Variants in TENM4 observed in about 807,000 individuals in gnomAD.
TENM4 encodes teneurin transmembrane protein 4, also known as teneurin-4.
In TENM4, 82 loss-of-function variants were observed where a neutral mutation model predicts 243.3. The observed-to-expected ratio is 0.34, with a 90% CI of 0.28 to 0.40. The LOEUF (loss-of-function observed/expected upper bound fraction) is 0.40, where lower values mean the gene tolerates loss of function less well. Among genes scored for constraint, TENM4 ranks in the 10% least tolerant of loss-of-function variants. The pLI, the probability that TENM4 is intolerant of heterozygous loss-of-function variation, is 1.00. For synonymous variants in TENM4, 1,412 were observed against 1,456.3 expected (o/e 0.97, Z 0.69); for missense variants, 3,138 against 3,673.3 (o/e 0.85, Z 3.77).
chr11:78,971,278 A>C (rs1223497257), intron 6 of TENM4, among the ~76,000 whole-genome samples: 1 of 152,092 alleles, frequency 6.6e-6, no homozygotes, highest in Non-Finnish European at 1.5e-5. Context: ...ATAGATGTTG[A>C]TTTTTAAATA....
chr11:78,993,610 A>T (rs1565158573), intron 6 of TENM4, among the ~76,000 whole-genome samples: 2 of 152,136 alleles, frequency 1.3e-5, no homozygotes, highest in Admixed American at 1.3e-4. Context: ...CCTGTATTCA[A>T]ATTCATGAAA....
At chr11:79,013,021 A>G (rs1858685473) in intron 6 of TENM4, among the ~76,000 whole-genome samples, 1 of 152,202 alleles carries the variant, frequency 6.6e-6, no homozygotes. Context: ...TATCAGGAAC[A>G]CTACACCAGA....
intron 15 of TENM4, among the ~76,000 whole-genome samples, chr11:78,803,295 C>T (rs1469939366): frequency 6.6e-6 from 1 of 152,136 alleles, no homozygotes; most frequent in East Asian, 1.9e-4. Flanking sequence ...TCCCAAAGTG[C>T]TGGGATTACA....
At chr11:79,373,631 T>C (rs980867365) in intron 1 of TENM4, among the ~76,000 whole-genome samples, 2 of 152,212 alleles carry the variant, frequency 1.3e-5, no homozygotes, top group Non-Finnish European at 2.9e-5. Flanking sequence ...AAAGATCATA[T>C]GAAATTATCA....
intron 12 of TENM4, among the ~76,000 whole-genome samples, chr11:78,852,564 T>C (rs1051183590): frequency 1.3e-5 from 2 of 152,046 alleles, no homozygotes; most frequent in Non-Finnish European, 2.9e-5. Context: ...GTGCCTGTGG[T>C]CCCAGCTATT....
intron 30 of TENM4, among the ~76,000 whole-genome samples, chr11:78,673,509 T>TA (rs558791270): frequency 2.0e-4 from 30 of 151,420 alleles, no homozygotes; most frequent in Admixed American, 7.9e-4. Context: ...CCTGTGTGGT[T>TA]AAAAAAAAAT....
chr11:78,895,163 G>A (rs1474241515), intron 7 of TENM4, among the ~76,000 whole-genome samples: 3 of 151,626 alleles, frequency 2.0e-5, no homozygotes, highest in South Asian at 2.1e-4. Flanking sequence ...CTAACACGGT[G>A]AAACCCTGTC....
chr11:79,400,291 A>G (rs916921337), intron 1 of TENM4, among the ~76,000 whole-genome samples: 1 of 151,160 alleles, frequency 6.6e-6, no homozygotes, highest in Non-Finnish European at 1.5e-5. Flanking sequence ...TTTCTGCTCC[A>G]TGGTCCGCTT....
intron 3 of TENM4, chr11:79,191,456 T>G: frequency 1.3e-5 from 2 of 150,668 alleles, no homozygotes; most frequent in African/African-American, 2.5e-5. Context: ...TGGAGTGCAG[T>G]GGCGTGATCT....
chr11:79,142,103 C>T (rs1320212467), intron 4 of TENM4, among the ~76,000 whole-genome samples: 1 of 152,012 alleles, frequency 6.6e-6, no homozygotes, highest in African/African-American at 2.4e-5. Context: ...ACTCTTGCCA[C>T]TGTTATTTAA....
intron 9 of TENM4, among the ~76,000 whole-genome samples, chr11:78,879,266 G>T: frequency 7.9e-6 from 1 of 126,286 alleles, no homozygotes; most frequent in African/African-American, 3.1e-5. Flanking sequence ...CCTCTGCCTG[G>T]CAGCCGCCCT....
intron 1 of TENM4, among the ~76,000 whole-genome samples, chr11:79,401,007 A>G (rs1290141521): frequency 6.6e-6 from 1 of 152,202 alleles, no homozygotes; most frequent in African/African-American, 2.4e-5. Flanking sequence ...TGGGATTTAT[A>G]AGGCCTATGA....
At chr11:79,276,486 G>C (rs918717358) in intron 2 of TENM4, among the ~76,000 whole-genome samples, 4 of 151,476 alleles carry the variant, frequency 2.6e-5, no homozygotes, top group African/African-American at 9.7e-5. Flanking sequence ...ATGTTTGGAG[G>C]GGGGTGGGAG....
chr11:78,793,319 T>C (rs1780156331), intron 15 of TENM4, among the ~76,000 whole-genome samples: 1 of 152,148 alleles, frequency 6.6e-6, no homozygotes, highest in Non-Finnish European at 1.5e-5. Flanking sequence ...AAGGAACAGG[T>C]GCAAATGAAG....
At chr11:79,418,426 G>T (rs945259398) in intron 1 of TENM4, among the ~76,000 whole-genome samples, 3 of 152,228 alleles carry the variant, frequency 2.0e-5, no homozygotes, top group Non-Finnish European at 2.9e-5. Context: ...ATGGTTGCAA[G>T]ATGCCACTTG....
At chr11:79,010,265 A>C (rs1858609079) in intron 6 of TENM4, among the ~76,000 whole-genome samples, 1 of 152,170 alleles carries the variant, frequency 6.6e-6, no homozygotes, top group Non-Finnish European at 1.5e-5. Context: ...TGGAATTAAA[A>C]ATACGGTTTC....
intron 3 of TENM4, among the ~76,000 whole-genome samples, chr11:79,196,968 G>A (rs1178375877): frequency 6.6e-6 from 1 of 152,190 alleles, no homozygotes. Context: ...AGCAGATGGC[G>A]CCTGGTCATG....
At chr11:79,316,914 A>G (rs1050700215) in intron 1 of TENM4, among the ~76,000 whole-genome samples, 2 of 152,232 alleles carry the variant, frequency 1.3e-5, no homozygotes, top group Non-Finnish European at 1.5e-5. Flanking sequence ...TCAAGGGGTG[A>G]CAGAACAAAA....
At chr11:78,932,255 C>A (rs1039423791) in intron 6 of TENM4, among the ~76,000 whole-genome samples, 3 of 152,146 alleles carry the variant, frequency 2.0e-5, no homozygotes, top group South Asian at 2.1e-4. Context: ...ACAACAATAA[C>A]CCCCTCACCA....
Sources: gnomAD v4.1 joint callset for allele counts (sites outside exome capture counted in the v4.1 genomes callset) on GRCh38, gnomAD v4.1.1 for gene constraint, MANE v1.5 for transcripts, NCBI Gene and HGNC (gene_info 2026-07-23, HGNC 2026-07-21) for gene names.